The following IMMP2L variants were observed in gnomAD, a reference collection of about 807,000 sequenced individuals.
IMMP2L encodes the protein mitochondrial inner membrane protease subunit 2.
Under a neutral mutation model 19.3 loss-of-function variants are expected in IMMP2L, and 18 were observed. The ratio of observed to expected loss-of-function variants is 0.93; its 90% CI spans 0.64 to 1.38. The LOEUF (loss-of-function observed/expected upper bound fraction) is 1.38, where lower values mean the gene tolerates loss of function less well. Ranked by LOEUF, IMMP2L falls within the 40% of genes most tolerant of loss-of-function variation. The pLI, the probability that IMMP2L is intolerant of heterozygous loss-of-function variation, is 0.00. For synonymous variants in IMMP2L, 76 were observed against 73.0 expected, an observed-to-expected ratio of 1.04 and a Z score of -0.21; for missense variants, 233 against 218.2, an observed-to-expected ratio of 1.07 and a Z score of -0.43.
chr7:111,276,808 A>T (rs1386486248), intron 3 of IMMP2L, among the ~76,000 whole-genome samples: 2 of 152,140 alleles, frequency 1.3e-5, no homozygotes, highest in Non-Finnish European at 2.9e-5. Flanking sequence ...CCAGAAATGA[A>T]GCCACATACC....
At chr7:111,115,719 T>G (rs1251995805) in intron 3 of IMMP2L, among the ~76,000 whole-genome samples, 1 of 152,068 alleles carries the variant, frequency 6.6e-6, no homozygotes, top group Non-Finnish European at 1.5e-5. Flanking sequence ...CAGGCTAGAG[T>G]GCAGCTGGCA....
chr7:111,410,893 CAT>C (rs1316376933), intron 3 of IMMP2L, among the ~76,000 whole-genome samples: 2 of 151,216 alleles, frequency 1.3e-5, no homozygotes, highest in Admixed American at 6.6e-5. Context: ...GTCTTGGTAA[CAT>C]GTGAGGGCAA....
chr7:111,302,675 A>T (rs1822398919), intron 3 of IMMP2L, among the ~76,000 whole-genome samples: 1 of 152,174 alleles, frequency 6.6e-6, no homozygotes, highest in South Asian at 2.1e-4. Context: ...ACACAAAAAA[A>T]GTAATGAAAT....
chr7:111,105,170 G>T (rs1213360657), intron 3 of IMMP2L, among the ~76,000 whole-genome samples: 1 of 151,778 alleles, frequency 6.6e-6, no homozygotes, highest in African/African-American at 2.4e-5. Flanking sequence ...CAAAACCTTT[G>T]AAGTGCCCTT....
At chr7:111,100,040 C>A (rs936063728) in intron 3 of IMMP2L, 2 of 151,606 alleles carry the variant, frequency 1.3e-5, no homozygotes, top group African/African-American at 4.8e-5. Context: ...GAAGCATTTG[C>A]CCAACTTCAC....
chr7:111,328,559 C>G (rs1170880673), intron 3 of IMMP2L, among the ~76,000 whole-genome samples: 3 of 151,800 alleles, frequency 2.0e-5, no homozygotes, highest in Non-Finnish European at 4.4e-5. Flanking sequence ...ATTTTACAAG[C>G]CCCAATACAG....
rs987895462 is a variant in IMMP2L, at chr7:110,730,430, C to T, written c.409-66709G>A. Among the ~76,000 whole-genome samples, 12 of 152,306 alleles carry T rather than the reference C, an allele frequency of 7.9e-5. No individual in the cohort carries two copies. The East Asian group carries it at 2.3e-3, about 29-fold the overall frequency. On this transcript the variant is annotated intron_variant, in intron 5 of 5. Transcript: ENST00000405709. Reference sequence around the variant, plus strand: ...CCTTGGACTTACACCAGTGGTTTGCCAGGGACTCTCAGGCTTTCAGCCACA... The same window carrying T: ...CCTTGGACTTACACCAGTGGTTTGCTAGGGACTCTCAGGCTTTCAGCCACA...
At chr7:110,887,719 G>T (rs1386155399) in intron 4 of IMMP2L, among the ~76,000 whole-genome samples, 1 of 149,594 alleles carries the variant, frequency 6.7e-6, no homozygotes, top group Non-Finnish European at 1.5e-5. Flanking sequence ...ACAATAAGAA[G>T]TTATTTTGGG....
At chr7:111,126,397 C>A (rs559352301) in intron 3 of IMMP2L, among the ~76,000 whole-genome samples, 1 of 152,056 alleles carries the variant, frequency 6.6e-6, no homozygotes, top group South Asian at 2.1e-4. Context: ...TAGCTCACTC[C>A]AATATAAAAA....
intron 3 of IMMP2L, among the ~76,000 whole-genome samples, chr7:111,289,228 T>C (rs1820824421): frequency 7.0e-6 from 1 of 141,922 alleles, no homozygotes; most frequent in Non-Finnish European, 1.5e-5. Context: ...TGAGAACACA[T>C]GGACACAGGA....
chr7:110,846,816 C>G (rs1163020638), intron 5 of IMMP2L, among the ~76,000 whole-genome samples: 1 of 152,128 alleles, frequency 6.6e-6, no homozygotes, highest in African/African-American at 2.4e-5. Flanking sequence ...TGGCATTACT[C>G]TATTTCTGTC....
intron 1 of IMMP2L, among the ~76,000 whole-genome samples, chr7:111,545,153 T>TA (rs1456061589): frequency 1.3e-5 from 2 of 151,988 alleles, no homozygotes; most frequent in Non-Finnish European, 2.9e-5. Flanking sequence ...TAATTTTTTT[T>TA]AAAAAAGAGA....
intron 5 of IMMP2L, among the ~76,000 whole-genome samples, chr7:110,854,097 A>G (rs1806509266): frequency 1.3e-5 from 2 of 151,974 alleles, no homozygotes; most frequent in African/African-American, 4.8e-5. Flanking sequence ...TCTTGAAACT[A>G]ATTAGTGTTA....
intron 5 of IMMP2L, among the ~76,000 whole-genome samples, chr7:110,825,228 G>A (rs1009619794): frequency 9.9e-5 from 15 of 152,082 alleles, no homozygotes; most frequent in Non-Finnish European, 1.8e-4. Flanking sequence ...TCATGGATAG[G>A]AAGAATCAAT....
chr7:110,670,609 G>C (rs1247325689), intron 5 of IMMP2L, among the ~76,000 whole-genome samples: 4 of 149,894 alleles, frequency 2.7e-5, no homozygotes, highest in Non-Finnish European at 4.4e-5. Flanking sequence ...AGAATTGCTT[G>C]AACCCAGGAG....
chr7:110,820,795 C>T (rs967907667), intron 5 of IMMP2L, among the ~76,000 whole-genome samples: 9 of 152,020 alleles, frequency 5.9e-5, no homozygotes, highest in African/African-American at 1.9e-4. Flanking sequence ...GGAAGTACAC[C>T]GAACTAAGAA....
At chr7:111,036,785 T>A (rs1791401839) in intron 3 of IMMP2L, among the ~76,000 whole-genome samples, 1 of 152,150 alleles carries the variant, frequency 6.6e-6, no homozygotes, top group Admixed American at 6.5e-5. Context: ...AGTTTCTGAG[T>A]TTTGGATAGG....
Position 110,781,393 on chromosome 7 carries a change from G to T in IMMP2L, c.408+105200C>A, listed in dbSNP as rs377627464. Among the ~76,000 whole-genome samples the T allele has an allele frequency of 8.6e-5, 13 of 151,630 alleles. No homozygotes were observed. In the East Asian group the frequency reaches 2.5e-3, roughly 30 times the overall value. The stretch of plus-strand genomic sequence containing the variant: ...TCAGATTTTTAAATTAATTTTTAAG[G>T]TGAATAAAATGCAATGCTTTTTTGA... On this transcript the variant is annotated intron_variant, in intron 5 of 5. Transcript: ENST00000405709.
chr7:111,376,121 A>C (rs1830658004), intron 3 of IMMP2L, among the ~76,000 whole-genome samples: 1 of 152,150 alleles, frequency 6.6e-6, no homozygotes, highest in Non-Finnish European at 1.5e-5. Context: ...TAACAGAGAA[A>C]TTATGTAGAG....
Sources: gnomAD v4.1 joint callset for allele counts (sites outside exome capture counted in the v4.1 genomes callset) on GRCh38, gnomAD v4.1.1 for gene constraint, MANE v1.5 for transcripts, NCBI Gene and HGNC (gene_info 2026-07-23, HGNC 2026-07-21) for gene names.